TNS4: variants seen among roughly 807,000 people sequenced by gnomAD.
The protein encoded by TNS4 is tensin 4.
Under a neutral mutation model 70.4 loss-of-function variants are expected in TNS4, and 46 were observed. That is an observed-to-expected ratio of 0.65 (90% CI 0.52 to 0.84). The LOEUF (loss-of-function observed/expected upper bound fraction) is 0.84, where lower values mean the gene tolerates loss of function less well. TNS4 is among the 40% of genes least tolerant of loss of function. The pLI is 0.00. For synonymous variants in TNS4, 390 were observed against 366.6 expected (o/e 1.06, Z -0.73); for missense variants, 863 against 907.0 (o/e 0.95, Z 0.62).
At chr17:40,500,174 G>C in intron 1 of TNS4, among the ~76,000 whole-genome samples, 1 of 152,178 alleles carries the variant, frequency 6.6e-6, no homozygotes, top group East Asian at 1.9e-4. Flanking sequence ...CACACTTTTA[G>C]CCTCTGCTGC....
chr17:40,496,369 C>T lies in TNS4; in HGVS notation c.57G>A (p.Ala19=), dbSNP rs765507698. The change falls in exon 2 of 13, where the codon GCG becomes GCA. Residue 19 remains alanine, a synonymous_variant. Coordinates refer to ENST00000254051, the MANE Select transcript of TNS4 (RefSeq NM_032865.6). ...GGGTCCTCCTGGGCTCATCACAAGG[C>T]GCCAAGCTGACAGCATGGCCTCCTG... ...LLAGGHAVSL[A]PCDEPRRTLH... 6.1e-5 allele frequency: 99 copies of T among 1,613,242 alleles called. No individual in the cohort carries two copies. Among genetic ancestry groups the T allele is most frequent in the Non-Finnish European group, 6.9e-5 (82 of 1,179,936 alleles).
chr17:40,489,282 TCA>T (rs1283614453), intron 2 of TNS4, among the ~76,000 whole-genome samples: 1 of 152,160 alleles, frequency 6.6e-6, no homozygotes, highest in African/African-American at 2.4e-5. Context: ...ACCCAGGGCC[TCA>T]GTTTCCACAC....
chr17:40,482,594 A>ACACG (rs1240595373), intron 6 of TNS4, among the ~76,000 whole-genome samples, 178 bp from the exon 7 acceptor site: 18 of 151,182 alleles, frequency 1.2e-4, no homozygotes, highest in Admixed American at 1.2e-3. Flanking sequence ...AGACACACAC[A>ACACG]CACACACACA....
chr17:40,492,424 A>G (rs957639052), intron 2 of TNS4, among the ~76,000 whole-genome samples: 3 of 151,634 alleles, frequency 2.0e-5, no homozygotes, highest in Non-Finnish European at 4.4e-5. Context: ...GCTGGATTAC[A>G]GTGGCGGGAT....
chr17:40,492,824 T>C (rs1186739750), intron 2 of TNS4, among the ~76,000 whole-genome samples: 4 of 151,666 alleles, frequency 2.6e-5, no homozygotes, highest in African/African-American at 9.7e-5. Flanking sequence ...ATCACCGAGG[T>C]GGACGAGGTC....
chr17:40,496,595 C>T (rs1328579972), intron 1 of TNS4, 75 bp from the exon 2 acceptor site: 9 of 634,112 alleles, frequency 1.4e-5, no homozygotes, highest in Non-Finnish European at 2.6e-6. Flanking sequence ...CGTACAAAGG[C>T]TAAGTTATTC....
Position 40,478,625 on chromosome 17 carries a change from G to A in TNS4, c.1934C>T (p.Pro645Leu). 6.2e-7 allele frequency: 1 copy of A among 1,614,150 alleles called. No individual in the cohort carries two copies. The highest frequency in any genetic ancestry group is 8.5e-7 in the Non-Finnish European group (1 of 1,179,998). ...ACCACAGAAGCGGAGGGTGGTGAGT[G>A]GGTAATGGCGCCGGAAAAACACCCT... The part of the protein sequence containing the change: ...QRKVFFRRHY[P>L]LTTLRFCGMD... The change falls in exon 11 of 13, where the codon CCA becomes CTA. Residue 645 changes from proline to leucine, a missense_variant. By Grantham distance (98) the Pro-to-Leu change is moderately conservative. Coordinates refer to ENST00000254051, the MANE Select transcript of TNS4 (RefSeq NM_032865.6).
Position 40,491,945 on chromosome 17 carries a change from G to T in TNS4, c.440-2976C>A, listed in dbSNP as rs115109478. On this transcript the variant is annotated intron_variant, in intron 2 of 12. Coordinates refer to ENST00000254051, the MANE Select transcript of TNS4 (RefSeq NM_032865.6). ...GTTGGAAAATGAAAGTGGGGGGCCT[G>T]TTCCAAAGATGGGGTGCGGGGTGTT... Among the ~76,000 whole-genome samples, 501 of 152,244 alleles carry T rather than the reference G, an allele frequency of 3.3e-3. 4 individuals are homozygous for T. The highest frequency in any genetic ancestry group is 0.011 in the African/African-American group (460 of 41,534).
At chr17:40,492,395 G>T (rs920692166) in intron 2 of TNS4, among the ~76,000 whole-genome samples, 1 of 151,756 alleles carries the variant, frequency 6.6e-6, no homozygotes, top group East Asian at 1.9e-4. Context: ...TTGAGACAGG[G>T]TCTCACTCTG....
intron 10 of TNS4, 146 bp downstream of exon 10, chr17:40,479,528 C>T: frequency 3.2e-6 from 3 of 948,818 alleles, no homozygotes; most frequent in Non-Finnish European, 4.6e-6. Flanking sequence ...GGGAAGCTGC[C>T]TGGAGTCACT....
rs764944090 is a variant in TNS4 at position 40,495,998 on chromosome 17, G to T, written c.428C>A (p.Ser143Tyr). The change falls in exon 2 of 13, where the codon TCT becomes TAT. Residue 143 changes from serine to tyrosine, a missense_variant. By Grantham distance (144) the Ser-to-Tyr change is moderately radical. Transcript: ENST00000254051. ...CCCCAAATCCTTACCCAAGGCTTCA[G>T]ATTCCTCCTTCTTTCTCATTGACAT... Reference protein sequence around the residue: ...STMSMRKKEESEALDIKYIEV... With the variant: ...STMSMRKKEEYEALDIKYIEV... The T allele has an allele frequency of 3.7e-6, 6 of 1,610,618 alleles. No individual in the cohort carries two copies. In the South Asian group the frequency reaches 6.6e-5, roughly 18 times the overall value.
intron 1 of TNS4, among the ~76,000 whole-genome samples, chr17:40,499,811 A>G (rs1377623044): frequency 6.6e-6 from 1 of 152,206 alleles, no homozygotes; most frequent in Non-Finnish European, 1.5e-5. Flanking sequence ...CGCTCCCTGC[A>G]GGGTTTTCTG....
chr17:40,498,540 G>A (rs475298), intron 1 of TNS4, among the ~76,000 whole-genome samples: 131,897 of 152,234 alleles, frequency 0.87, 58,350 homozygotes, highest in East Asian at 0.98. Flanking sequence ...AGGAAGTACT[G>A]CACCCTATTG....
intron 6 of TNS4, among the ~76,000 whole-genome samples, chr17:40,483,910 A>T (rs2035958861): frequency 1.3e-5 from 2 of 152,118 alleles, no homozygotes; most frequent in African/African-American, 2.4e-5. Context: ...TTGTACTGTA[A>T]TCATCTGTTT....
chr17:40,494,405 C>T (rs2036114225), intron 2 of TNS4, among the ~76,000 whole-genome samples: 1 of 152,170 alleles, frequency 6.6e-6, no homozygotes, highest in South Asian at 2.1e-4. Flanking sequence ...TTACTTAACC[C>T]CAGCAACCCC....
At chr17:40,500,253 C>G (rs938716868) in intron 1 of TNS4, among the ~76,000 whole-genome samples, 1 of 152,216 alleles carries the variant, frequency 6.6e-6, no homozygotes, top group Non-Finnish European at 1.5e-5. Context: ...GAGGGACAGA[C>G]CTGGAGCTGA....
At chr17:40,487,604 C>G (rs1412671904) in intron 3 of TNS4, 144 bp from the exon 4 acceptor site, 6 of 773,240 alleles carry the variant, frequency 7.8e-6, no homozygotes, top group Non-Finnish European at 1.2e-5. Flanking sequence ...CAGCCCACAG[C>G]AAAGTGCATG....
In TNS4 at chr17:40,482,394, G is replaced by A. The variant is rs147623676; in HGVS notation, c.1524C>T (p.Ile508=). 1.3e-4 allele frequency: 210 copies of A among 1,614,066 alleles called. 2 individuals carry two copies. The African/African-American group carries it at 2.6e-3, about 20-fold the overall frequency. ...SRPGEDSNDL[I]RHFLIESSAK... ...CAGACGACTCGATGAGGAAGTGTCGGATGAGGTCATTGCTGTCCTCACCTG... is the reference window on the plus strand; with the variant it reads ...CAGACGACTCGATGAGGAAGTGTCGAATGAGGTCATTGCTGTCCTCACCTG... Residue 508 remains isoleucine, a synonymous_variant, in exon 7 of 13, where the codon ATC becomes ATT. Coordinates refer to ENST00000254051, the MANE Select transcript of TNS4 (RefSeq NM_032865.6).
In TNS4 at chr17:40,496,434, TG is replaced by T. The variant is rs1567815134; in HGVS notation, c.-10del. On this transcript the variant is annotated 5_prime_UTR_variant, in exon 2 of 13. Coordinates refer to ENST00000254051, the MANE Select transcript of TNS4 (RefSeq NM_032865.6). Reference sequence around the variant, plus strand: ...GACATCACCTGGGACATGGTGGGGGTGGTGACCTCTGCAGTTTACCTCTGGT... The same window carrying T: ...GACATCACCTGGGACATGGTGGGGGTGTGACCTCTGCAGTTTACCTCTGGT... The T allele has an allele frequency of 2.5e-6, 4 of 1,608,766 alleles. No homozygotes were observed. Among genetic ancestry groups the T allele is most frequent in the Non-Finnish European group, 3.4e-6 (4 of 1,178,900 alleles).
Sources: allele counts gnomAD v4.1 joint callset (sites outside exome capture counted in the v4.1 genomes callset), GRCh38; gene constraint gnomAD v4.1.1; transcripts MANE v1.5; gene names NCBI Gene and HGNC (gene_info 2026-07-23, HGNC 2026-07-21).